Variants in TMUB1 observed in about 807,000 individuals in gnomAD.
TMUB1 encodes transmembrane and ubiquitin like domain containing 1, also known as transmembrane and ubiquitin-like domain-containing protein 1.
TMUB1 carries 9 observed loss-of-function variants against 16.2 expected under a neutral mutation model. The ratio of observed to expected loss-of-function variants is 0.55; its 90% CI spans 0.33 to 0.97. TMUB1 has a LOEUF of 0.97. Ranked by LOEUF, TMUB1 falls within the 50% of genes least tolerant of loss-of-function variation. TMUB1 has a pLI of 0.03. For synonymous variants in TMUB1, 155 were observed against 152.2 expected (o/e 1.02, Z -0.13); for missense variants, 309 against 313.5 (o/e 0.99, Z 0.11).
Position 151,081,145 on chromosome 7 carries a change from G to A in TMUB1, c.*404C>T. 4.7e-6 allele frequency: 1 copy of A among 213,546 alleles called. No individual in the cohort carries two copies. The highest frequency in any genetic ancestry group is 9.2e-6 in the Non-Finnish European group (1 of 108,124). 13.2% of individuals were successfully genotyped at this position (213,546 alleles called of 1,614,324 possible). ...CCGGGGAACTCCTCTGCCCCTCCCC[G>A]CTCCCCTTCACCAGCCTCCCACCGA... On this transcript the variant is annotated 3_prime_UTR_variant, in exon 3 of 3. Transcript: ENST00000297533. This position sits in a 1 kb window ranked among gnomAD's most constrained non-coding sequence, Gnocchi z 7.6.
Position 151,083,248 on chromosome 7 carries a change from C to T in TMUB1, c.-31+186G>A, listed in dbSNP as rs1455467780. The stretch of plus-strand genomic sequence containing the variant: ...AACTCCGCGCCTCCTCTGGAAGTCT[C>T]TCCAAGCCCCCCGGGCTGCCTGACC... On this transcript the variant is annotated intron_variant, in intron 1 of 2. Transcript: ENST00000297533. The surrounding 1 kb of genome is among the most constrained non-coding windows in gnomAD (Gnocchi z 5.9). 6.6e-6 allele frequency: 1 copy of T among 152,174 alleles called. No homozygotes were observed. The highest frequency in any genetic ancestry group is 1.5e-5 in the Non-Finnish European group (1 of 68,044). The allele number at this position is 152,174 out of a possible 1,614,324, so 9.4% of individuals were successfully genotyped here. A position where few individuals can be genotyped will look rare whatever the true frequency, so the allele number is the denominator to read the frequency against.
chr7:151,081,413 C>A lies in TMUB1; in HGVS notation c.*136G>T. ...CTCCGCCAGTCCCGGGAGTCCTCTG[C>A]GGCGCAGGGCTGGGCTCCAGGGCGG... On this transcript the variant is annotated 3_prime_UTR_variant, in exon 3 of 3. Transcript: ENST00000297533. The surrounding 1 kb of genome is among the most constrained non-coding windows in gnomAD (Gnocchi z 7.6). 2.3e-6 allele frequency: 3 copies of A among 1,280,592 alleles called. No individual in the cohort carries two copies. Among genetic ancestry groups the A allele is most frequent in the Non-Finnish European group, 2.0e-6 (2 of 1,012,926 alleles). The allele number at this position is 1,280,592 out of a possible 1,614,324, so 79.3% of individuals were successfully genotyped here.
In TMUB1 at chr7:151,081,585, G is replaced by A. The variant is rs765014854; in HGVS notation, c.705C>T (p.Leu235=). 5.6e-6 allele frequency: 9 copies of A among 1,608,586 alleles called. No individual in the cohort carries two copies. Among genetic ancestry groups the A allele is most frequent in the Non-Finnish European group, 6.8e-6 (8 of 1,178,404 alleles). ...ACATGGCAAAGGCCAGGAGACTGAG[G>A]AGCAGGGTGAAGCCGGCCAGGCCCA... is the stretch of plus-strand genomic sequence containing the variant. ...ATLGLAGFTL[L]LSLLAFAMYR... The change falls in exon 3 of 3, where the codon CTC becomes CTT. Residue 235 remains leucine, a synonymous_variant. Transcript: ENST00000297533. The surrounding 1 kb of genome is among the most constrained non-coding windows in gnomAD (Gnocchi z 7.6).
At position 151,082,245 on chromosome 7, in the gene TMUB1, G is replaced by C; in HGVS notation, c.319C>G (p.Leu107Val). The change falls in exon 2 of 3, where the codon CTG becomes GTG. Residue 107 changes from leucine to valine, a missense_variant. Leu to Val is a conservative substitution (Grantham distance 32). Transcript: ENST00000297533. This position sits in a 1 kb window ranked among gnomAD's most constrained non-coding sequence, Gnocchi z 7.0. ...DSPQEPLVLR[L>V]KFLNDSEQVA... ...TGCTCTGAATCATTGAGGAATTTCA[G>C]CCGTAGCACGAGGGGCTCCTGCGGG... 1.3e-6 allele frequency: 2 copies of C among 1,556,756 alleles called. No homozygotes were observed. Among genetic ancestry groups the C allele is most frequent in the South Asian group, 2.4e-5 (2 of 82,910 alleles).
chr7:151,082,310 G>A lies in TMUB1; in HGVS notation c.254C>T (p.Pro85Leu), dbSNP rs1322057606. 1.2e-6 allele frequency: 2 copies of A among 1,600,992 alleles called. No homozygotes were observed. The highest frequency in any genetic ancestry group is 1.7e-5 in the Admixed American group (1 of 58,516). ...CGGTGTTGCTGTGAACCCCGTGCTG[G>A]GCTCTGGCTGTGCAGCTTGACCTCT... ...RHRGQAAQPE[P>L]STGFTATPPA... The change falls in exon 2 of 3, where the codon CCC (proline) becomes CTC (leucine). Residue 85 changes from proline (P) to leucine (L), a missense_variant. Pro to Leu is a moderately conservative substitution (Grantham distance 98, BLOSUM62 -3). Transcript: ENST00000297533. This position sits in a 1 kb window ranked among gnomAD's most constrained non-coding sequence, Gnocchi z 7.0.
rs1198023226 is a variant in TMUB1 at position 151,082,369 on chromosome 7, C to T, written c.195G>A (p.Glu65=). 8.1e-6 allele frequency: 13 copies of T among 1,596,392 alleles called. No individual in the cohort carries two copies. The highest frequency in any genetic ancestry group is 1.1e-5 in the Non-Finnish European group (13 of 1,171,154). The change falls in exon 2 of 3, where the codon GAG becomes GAA. Residue 65 remains glutamate (E), a synonymous_variant. Coordinates refer to ENST00000297533, the MANE Select transcript of TMUB1 (RefSeq NM_001136044.2). This position sits in a 1 kb window ranked among gnomAD's most constrained non-coding sequence, Gnocchi z 7.0. ...GGCTGGGGGTCTCTGCCCCTGGGGC[C>T]TCCCCTCTCATGCTGTCGGTAGCTG... The part of the protein sequence containing the change: ...AMAATDSMRG[E]APGAETPSLR...
Position 151,081,919 on chromosome 7 carries a change from G to A in TMUB1, c.390-19C>T. ...CTGGGTCCTGAGGAGAGAGGGACCT[G>A]GGTAAGAGAGCAGGCCTCAGGCAAT... On this transcript the variant is annotated intron_variant, in intron 2 of 2. Transcript: ENST00000297533. The surrounding 1 kb of genome is among the most constrained non-coding windows in gnomAD (Gnocchi z 7.6). 2 of 1,465,754 alleles carry A rather than the reference G, an allele frequency of 1.4e-6. No homozygotes were observed. Among genetic ancestry groups the A allele is most frequent in the Non-Finnish European group, 1.8e-6 (2 of 1,111,140 alleles). 90.8% of individuals were successfully genotyped at this position (1,465,754 alleles called of 1,614,324 possible).
chr7:151,081,563 T>C lies in TMUB1; in HGVS notation c.727A>G (p.Met243Val). 6.2e-7 allele frequency: 1 copy of C among 1,602,446 alleles called. No individual in the cohort carries two copies. Among genetic ancestry groups the C allele is most frequent in the Non-Finnish European group, 8.5e-7 (1 of 1,174,848 alleles). The change falls in exon 3 of 3, where the codon ATG becomes GTG. Residue 243 changes from methionine to valine, a missense_variant. Transcript: ENST00000297533. This position sits in a 1 kb window ranked among gnomAD's most constrained non-coding sequence, Gnocchi z 7.6. ...TLLLSLLAFAMYRP is the reference protein window; with the variant it reads ...TLLLSLLAFAVYRP ...CCGCGGAGGCACTACGGGCGGTACATGGCAAAGGCCAGGAGACTGAGGAGC... is the reference window on the plus strand; with the variant it reads ...CCGCGGAGGCACTACGGGCGGTACACGGCAAAGGCCAGGAGACTGAGGAGC...
Position 151,081,277 on chromosome 7 carries a change from G to T in TMUB1, c.*272C>A. 3.0e-6 allele frequency: 1 copy of T among 331,752 alleles called. No homozygotes were observed. Among genetic ancestry groups the T allele is most frequent in the Non-Finnish European group, 4.8e-6 (1 of 209,372 alleles). 20.6% of individuals were successfully genotyped at this position (331,752 alleles called of 1,614,324 possible). ...CCGGGGCGGCCCGGCTCTGCCCGGG[G>T]CCGAGGCAGCGACAGCAGATGCCCG... On this transcript the variant is annotated 3_prime_UTR_variant, in exon 3 of 3. Coordinates refer to ENST00000297533, the MANE Select transcript of TMUB1 (RefSeq NM_001136044.2). This position sits in a 1 kb window ranked among gnomAD's most constrained non-coding sequence, Gnocchi z 7.6.
rs553061910 is a variant in TMUB1 at position 151,083,091 on chromosome 7, C to G, written c.-31+343G>C. ...GTTCACCTAAACCCCACCCGCGGCA[C>G]AGGACTGCTTCCCAGGCTTCCCCCA... On this transcript the variant is annotated intron_variant, in intron 1 of 2. Coordinates refer to ENST00000297533, the MANE Select transcript of TMUB1 (RefSeq NM_001136044.2). This position sits in a 1 kb window ranked among gnomAD's most constrained non-coding sequence, Gnocchi z 5.9. 2 of 150,544 alleles carry G rather than the reference C, an allele frequency of 1.3e-5. No homozygotes were observed. The highest frequency in any genetic ancestry group is 4.9e-5 in the African/African-American group (2 of 40,580). The allele number at this position is 150,544 out of a possible 1,614,324, so 9.3% of individuals were successfully genotyped here.
rs566745055 is a variant in TMUB1 at position 151,082,457 on chromosome 7, C to G, written c.107G>C (p.Gly36Ala). ...TGACGGCTGGGGCAGTGGGTCCCCG[C>G]CCTCAGCGGTGTGCGTTGAGACCCA... ...LAWVSTHTAEGGDPLPQPSGT... is the reference protein window; with the variant it reads ...LAWVSTHTAEAGDPLPQPSGT... The change falls in exon 2 of 3, where the codon GGC becomes GCC. Residue 36 changes from glycine to alanine, a missense_variant. Coordinates refer to ENST00000297533, the MANE Select transcript of TMUB1 (RefSeq NM_001136044.2). This position sits in a 1 kb window ranked among gnomAD's most constrained non-coding sequence, Gnocchi z 7.0. 6.2e-7 allele frequency: 1 copy of G among 1,606,128 alleles called. No individual in the cohort carries two copies. Among genetic ancestry groups the G allele is most frequent in the Non-Finnish European group, 8.5e-7 (1 of 1,175,860 alleles).
chr7:151,082,416 A>T lies in TMUB1; in HGVS notation c.148T>A (p.Ser50Thr). 2 of 1,608,288 alleles carry T rather than the reference A, an allele frequency of 1.2e-6. No homozygotes were observed. The highest frequency in any genetic ancestry group is 1.7e-4 in the Middle Eastern group (1 of 6,032). The change falls in exon 2 of 3, where the codon TCC becomes ACC. Residue 50 changes from serine (S) to threonine (T), a missense_variant. Transcript: ENST00000297533. The surrounding 1 kb of genome is among the most constrained non-coding windows in gnomAD (Gnocchi z 7.0). ...LPQPSGTPTPSQPSAAMAATD... is the reference protein window; with the variant it reads ...LPQPSGTPTPTQPSAAMAATD... ...GCTGCCATGGCTGCGCTGGGCTGGG[A>T]TGGCGTTGGGGTCCCTGACGGCTGG...
chr7:151,082,708 C>T lies in TMUB1; in HGVS notation c.-30-115G>A. On this transcript the variant is annotated intron_variant, in intron 1 of 2. Transcript: ENST00000297533. This position sits in a 1 kb window ranked among gnomAD's most constrained non-coding sequence, Gnocchi z 7.0. ...CGCTCCCACCGTCCTCAGCCTCCGT[C>T]CCCTCACCCACCCCAGGGTACCGGC... 1 of 840,536 alleles carries T rather than the reference C, an allele frequency of 1.2e-6. No homozygotes were observed. The highest frequency in any genetic ancestry group is 4.1e-5 in the South Asian group (1 of 24,176). The allele number at this position is 840,536 out of a possible 1,614,324, so 52.1% of individuals were successfully genotyped here.
rs1352284710 is a variant in TMUB1, at chr7:151,081,607, C to T, written c.683G>A (p.Gly228Asp). 6.2e-7 allele frequency: 1 copy of T among 1,608,150 alleles called. No homozygotes were observed. The highest frequency in any genetic ancestry group is 2.2e-5 in the East Asian group (1 of 44,744). ...GAGGAGCAGGGTGAAGCCGGCCAGG[C>T]CCAGAGTGGCGGTCAGGGGAAAGAA... The part of the protein sequence containing the change: ...RPFFPLTATL[G>D]LAGFTLLLSL... Residue 228 changes from glycine (G) to aspartate (D), a missense_variant, in exon 3 of 3, where the codon GGC becomes GAC. Coordinates refer to ENST00000297533, the MANE Select transcript of TMUB1 (RefSeq NM_001136044.2). The surrounding 1 kb of genome is among the most constrained non-coding windows in gnomAD (Gnocchi z 7.6).
At position 151,082,518 on chromosome 7, in the gene TMUB1, A is replaced by C. The variant is rs769483495; in HGVS notation, c.46T>G (p.Ser16Ala). The C allele has an allele frequency of 5.2e-6, 8 of 1,541,202 alleles. No individual in the cohort carries two copies. The South Asian group carries it at 9.7e-5, about 19-fold the overall frequency. Reference sequence around the variant, plus strand: ...AGCACCAGAAGGCAGGCAAGCACCGAGAAAAGGACGGTCACCTCATCACCC... The same window carrying C: ...AGCACCAGAAGGCAGGCAAGCACCGCGAAAAGGACGGTCACCTCATCACCC... ...GVGDEVTVLFSVLACLLVLAL... is the reference protein window; with the variant it reads ...GVGDEVTVLFAVLACLLVLAL... The change falls in exon 2 of 3, where the codon TCG becomes GCG. Residue 16 changes from serine (S) to alanine (A), a missense_variant. Physicochemically the swap from Ser to Ala is moderately conservative, Grantham distance 99 (BLOSUM62 1). Transcript: ENST00000297533. The surrounding 1 kb of genome is among the most constrained non-coding windows in gnomAD (Gnocchi z 7.0).
chr7:151,081,624 G>A lies in TMUB1; in HGVS notation c.666C>T (p.Pro222=). The change falls in exon 3 of 3, where the codon CCC becomes CCT. Residue 222 remains proline, a synonymous_variant. Coordinates refer to ENST00000297533, the MANE Select transcript of TMUB1 (RefSeq NM_001136044.2). The surrounding 1 kb of genome is among the most constrained non-coding windows in gnomAD (Gnocchi z 7.6). The part of the protein sequence containing the change: ...YCQIQYRPFF[P]LTATLGLAGF... ...CGGCCAGGCCCAGAGTGGCGGTCAGGGGAAAGAAGGGCCGGTACTGGATCT... is the reference window on the plus strand; with the variant it reads ...CGGCCAGGCCCAGAGTGGCGGTCAGAGGAAAGAAGGGCCGGTACTGGATCT... 1 of 1,603,864 alleles carries A rather than the reference G, an allele frequency of 6.2e-7. No individual in the cohort carries two copies. The highest frequency in any genetic ancestry group is 8.5e-7 in the Non-Finnish European group (1 of 1,175,610).
chr7:151,082,096 T>A lies in TMUB1; in HGVS notation c.389+79A>T, dbSNP rs933804630. The A allele has an allele frequency of 3.5e-5, 52 of 1,474,956 alleles. No homozygotes were observed. The highest frequency in any genetic ancestry group is 4.7e-5 in the Non-Finnish European group (52 of 1,110,924). The allele number at this position is 1,474,956 out of a possible 1,614,324, so 91.4% of individuals were successfully genotyped here. On this transcript the variant is annotated intron_variant, in intron 2 of 2. Transcript: ENST00000297533. This position sits in a 1 kb window ranked among gnomAD's most constrained non-coding sequence, Gnocchi z 7.0. ...TCCAGTATAAAGGAGGGCTGGGTCT[T>A]AGGTGTCTCTGGGGGCCTTCTGCGA...
rs750639965 is a variant in TMUB1 at position 151,081,716 on chromosome 7, C to T, written c.574G>A (p.Gly192Arg). ...AGCAGCAGGCTGCCGATTTCCAGCC[C>T]GGAGGGGCCGGGCTCGGACCCCGGC... ...CPPGSEPGPS[G>R]LEIGSLLLPL... Residue 192 changes from glycine to arginine, a missense_variant, in exon 3 of 3, where the codon GGG becomes AGG. Physicochemically the swap from Gly to Arg is moderately radical, Grantham distance 125. Transcript: ENST00000297533. This position sits in a 1 kb window ranked among gnomAD's most constrained non-coding sequence, Gnocchi z 7.6. 3 of 1,582,032 alleles carry T rather than the reference C, an allele frequency of 1.9e-6. No individual in the cohort carries two copies. The highest frequency in any genetic ancestry group is 2.6e-6 in the Non-Finnish European group (3 of 1,164,916).
Position 151,082,268 on chromosome 7 carries a change from G to A in TMUB1, c.296C>T (p.Pro99Leu). The A allele has an allele frequency of 5.1e-6, 8 of 1,581,364 alleles. No homozygotes were observed. The highest frequency in any genetic ancestry group is 6.9e-6 in the Non-Finnish European group (8 of 1,162,528). Residue 99 changes from proline (P) to leucine (L), a missense_variant, in exon 2 of 3, where the codon CCG becomes CTG. Transcript: ENST00000297533. This position sits in a 1 kb window ranked among gnomAD's most constrained non-coding sequence, Gnocchi z 7.0. ...FTATPPAPDS[P>L]QEPLVLRLKF... ...CAGCCGTAGCACGAGGGGCTCCTGC[G>A]GGGAGTCCGGGGCTGGCGGTGTTGC...
Sources: gnomAD v4.1 joint callset for allele counts on GRCh38, gnomAD v4.1.1 for gene constraint, Gnocchi (gnomAD v3.1) non-coding constraint, MANE v1.5 for transcripts, NCBI Gene and HGNC (gene_info 2026-07-23, HGNC 2026-07-21) for gene names.